Variants in GRP observed in about 807,000 individuals in gnomAD.
GRP encodes the protein gastrin releasing peptide.
A neutral mutation model predicts 12.7 loss-of-function variants in GRP; 11 were observed. That is an observed-to-expected ratio of 0.87 (90% CI 0.55 to 1.44). The LOEUF is 1.44. Among genes scored for constraint, GRP ranks in the 40% most tolerant of loss-of-function variants. The pLI is 0.00. For missense variants in GRP, 212 were observed against 185.4 expected (o/e 1.14, Z -0.83); for synonymous variants, 84 against 77.7 (o/e 1.08, Z -0.43).
rs755573242 is a variant in GRP, at chr18:59,225,656, A to T, written c.304A>T (p.Lys102Ter). The change falls in exon 2 of 3, where the codon AAG becomes TAG. Residue 102 changes from lysine to a stop codon, truncating the protein, a stop_gained. Transcript: ENST00000256857. LOFTEE classifies it high-confidence loss of function. ...CAGAAACCACCAGCCACCTCAACCC[A>T]AGGCCCTGGGCAATCAGCAGCCTTC... ...ENRNHQPPQP[K>*]ALGNQQPSWD... 4 of 1,614,118 alleles carry T rather than the reference A, an allele frequency of 2.5e-6. No homozygotes were observed. The highest frequency in any genetic ancestry group is 3.4e-6 in the Non-Finnish European group (4 of 1,179,958).
At position 59,220,390 on chromosome 18, in the gene GRP, A is replaced by T; in HGVS notation, c.125A>T (p.Asn42Ile). 1 of 1,395,786 alleles carries T rather than the reference A, an allele frequency of 7.2e-7. No individual in the cohort carries two copies. Among genetic ancestry groups the T allele is most frequent in the Non-Finnish European group, 9.3e-7 (1 of 1,072,436 alleles). The allele number at this position is 1,395,786 out of a possible 1,614,324, so 86.5% of individuals were successfully genotyped here. A position where few individuals can be genotyped will look rare whatever the true frequency, so the allele number is the denominator to read the frequency against. Reference protein sequence around the residue: ...TVLTKMYPRGNHWAVGHLMGK... With the variant: ...TVLTKMYPRGIHWAVGHLMGK... ...CTGACCAAGATGTACCCGCGCGGCA[A>T]CCACTGGGCGGTGGGTGAGTGTCCT... The change falls in exon 1 of 3, where the codon AAC (asparagine) becomes ATC (isoleucine). Residue 42 changes from asparagine to isoleucine, a missense_variant. Asn to Ile is a moderately radical substitution (Grantham distance 149). Coordinates refer to ENST00000256857, the MANE Select transcript of GRP (RefSeq NM_002091.5).
chr18:59,227,067 T>TCC (rs1251564047), intron 2 of GRP, among the ~76,000 whole-genome samples: 19 of 134,932 alleles, frequency 1.4e-4, no homozygotes, highest in African/African-American at 5.4e-4. Context: ...CTTTCTTTCT[T>TCC]TTCTTTCCTT....
intron 1 of GRP, among the ~76,000 whole-genome samples, chr18:59,221,894 C>T (rs1395003539): frequency 6.6e-6 from 1 of 152,014 alleles, no homozygotes; most frequent in Non-Finnish European, 1.5e-5. Context: ...GATGTGTGAT[C>T]GCTGAGGGAC....
rs1227832389 is a variant in GRP, at chr18:59,220,329, C to A, written c.64C>A (p.Arg22=). 6.7e-7 allele frequency: 1 copy of A among 1,494,066 alleles called. No individual in the cohort carries two copies. 92.6% of individuals were successfully genotyped at this position (1,494,066 alleles called of 1,614,324 possible). A position where few individuals can be genotyped will look rare whatever the true frequency, so the allele number is the denominator to read the frequency against. The change falls in exon 1 of 3, where the codon CGA becomes AGA. Residue 22 remains arginine (R), a synonymous_variant. Transcript: ENST00000256857. ...GGTCCTCTGCCTGGCGCCCCGGGGG[C>A]GAGCGGTCCCGCTGCCTGCGGGCGG... ...ALVLCLAPRG[R]AVPLPAGGGT... is the part of the protein sequence containing the mutation.
chr18:59,222,665 T>C (rs1330385925), intron 1 of GRP, among the ~76,000 whole-genome samples: 2 of 152,196 alleles, frequency 1.3e-5, no homozygotes, highest in Non-Finnish European at 1.5e-5. Flanking sequence ...GTAGTTTAGT[T>C]TTAATTATAT....
upstream of GRP, among the ~76,000 whole-genome samples, chr18:59,219,429 A>G (rs1250822930): frequency 1.1e-4 from 14 of 126,280 alleles, no homozygotes; most frequent in Non-Finnish European, 1.8e-4. Context: ...GGAGGAGGGG[A>G]GAGAGAGAGG....
intron 1 of GRP, among the ~76,000 whole-genome samples, chr18:59,224,813 C>T (rs2069889331): frequency 6.6e-6 from 1 of 152,194 alleles, no homozygotes; most frequent in African/African-American, 2.4e-5. Context: ...GAAAATTCTG[C>T]ATTTATGCGG....
At chr18:59,227,359 T>G (rs2069960486) in intron 2 of GRP, among the ~76,000 whole-genome samples, 2 of 152,300 alleles carry the variant, frequency 1.3e-5, no homozygotes, top group East Asian at 3.9e-4. Flanking sequence ...CCCAAGCGAT[T>G]GTCTGGTCCA....
intron 2 of GRP, among the ~76,000 whole-genome samples, chr18:59,226,137 C>G (rs2069917279): frequency 6.6e-6 from 1 of 152,094 alleles, no homozygotes; most frequent in African/African-American, 2.4e-5. Context: ...TAGAAGACAG[C>G]ATTCTTGTTT....
chr18:59,224,731 C>T (rs72956167), intron 1 of GRP, among the ~76,000 whole-genome samples: 6,161 of 152,242 alleles, frequency 0.04, 206 homozygotes, highest in African/African-American at 0.085. Flanking sequence ...TTAACAGCAG[C>T]TTTTTAAAAA....
At chr18:59,229,764 C>T (rs2070001493) in intron 2 of GRP, among the ~76,000 whole-genome samples, 1 of 152,150 alleles carries the variant, frequency 6.6e-6, no homozygotes, top group African/African-American at 2.4e-5. Flanking sequence ...TATAACTACT[C>T]ATTCTTTCTT....
intron 2 of GRP, among the ~76,000 whole-genome samples, chr18:59,229,587 A>G (rs1008440029): frequency 2.6e-5 from 4 of 152,218 alleles, no homozygotes; most frequent in Non-Finnish European, 2.9e-5. Context: ...TTGCCCAAGA[A>G]TATCAGTAGT....
chr18:59,229,561 C>A (rs1208678026), intron 2 of GRP, among the ~76,000 whole-genome samples: 1 of 152,156 alleles, frequency 6.6e-6, no homozygotes, highest in African/African-American at 2.4e-5. Flanking sequence ...ACAACTGAGC[C>A]AGAGGAGGTA....
At position 59,220,199 on chromosome 18, in the gene GRP, G is replaced by T; in HGVS notation, c.-67G>T. 7.6e-7 allele frequency: 1 copy of T among 1,309,220 alleles called. No homozygotes were observed. Among genetic ancestry groups the T allele is most frequent in the Non-Finnish European group, 9.9e-7 (1 of 1,010,952 alleles). The allele number at this position is 1,309,220 out of a possible 1,614,324, so 81.1% of individuals were successfully genotyped here. Reference sequence around the variant, plus strand: ...GCTGCGGCGGCGGAGCTCCTCCGAGGTCCGGGTCACCAGTCTCTGCTCTTC... The same window carrying T: ...GCTGCGGCGGCGGAGCTCCTCCGAGTTCCGGGTCACCAGTCTCTGCTCTTC... On this transcript the variant is annotated 5_prime_UTR_variant, in exon 1 of 3. Transcript: ENST00000256857.
chr18:59,222,617 T>A (rs1417037157), intron 1 of GRP, among the ~76,000 whole-genome samples: 2 of 152,230 alleles, frequency 1.3e-5, no homozygotes, highest in African/African-American at 4.8e-5. Flanking sequence ...TTCAGTTATC[T>A]CAAGAAAATG....
chr18:59,225,017 A>G (rs1257799181), intron 1 of GRP, among the ~76,000 whole-genome samples: 3 of 152,348 alleles, frequency 2.0e-5, no homozygotes, highest in Admixed American at 2.0e-4. Flanking sequence ...AAAGAAAAGC[A>G]TGGAGACTTT....
At chr18:59,223,240 C>G (rs1033761076) in intron 1 of GRP, among the ~76,000 whole-genome samples, 4 of 152,200 alleles carry the variant, frequency 2.6e-5, no homozygotes, top group Admixed American at 6.5e-5. Context: ...ATGATATGGG[C>G]ACTTGACAGA....
At chr18:59,224,175 A>C (rs1199748776) in intron 1 of GRP, among the ~76,000 whole-genome samples, 1 of 152,238 alleles carries the variant, frequency 6.6e-6, no homozygotes, top group African/African-American at 2.4e-5. Context: ...GTAATAATGT[A>C]GTCTAGATTG....
chr18:59,222,841 A>T (rs2069857410), intron 1 of GRP, among the ~76,000 whole-genome samples: 1 of 152,196 alleles, frequency 6.6e-6, no homozygotes, highest in South Asian at 2.1e-4. Flanking sequence ...ATGTTCGTGG[A>T]AATGTTTTGT....
Sources: allele counts gnomAD v4.1 joint callset (sites outside exome capture counted in the v4.1 genomes callset), GRCh38; gene constraint gnomAD v4.1.1; transcripts MANE v1.5; gene names NCBI Gene and HGNC (gene_info 2026-07-23, HGNC 2026-07-21).